PAAF1: variants seen among roughly 807,000 people sequenced by gnomAD.
PAAF1 encodes the protein proteasomal ATPase associated factor 1, also known as proteasomal ATPase-associated factor 1.
A neutral mutation model predicts 52.8 loss-of-function variants in PAAF1; 46 were observed. That is an observed-to-expected ratio of 0.87 (90% CI 0.69 to 1.11). The LOEUF (loss-of-function observed/expected upper bound fraction) is 1.11, where lower values mean the gene tolerates loss of function less well. Ranked by LOEUF, PAAF1 falls within the 50% of genes most tolerant of loss-of-function variation. The pLI, the probability that PAAF1 is intolerant of heterozygous loss-of-function variation, is 0.00. For missense variants in PAAF1, 424 were observed against 477.4 expected, an observed-to-expected ratio of 0.89 and a Z score of 1.04; for synonymous variants, 178 against 172.8, an observed-to-expected ratio of 1.03 and a Z score of -0.24.
chr11:73,897,775 A>G (rs1302774712), intron 4 of PAAF1, among the ~76,000 whole-genome samples: 1 of 151,652 alleles, frequency 6.6e-6, no homozygotes, highest in African/African-American at 2.4e-5. Flanking sequence ...CTTCCCAGAC[A>G]GGGTGGCGGC....
At chr11:73,914,588 A>G (rs974468296) in intron 8 of PAAF1, 84 bp downstream of exon 8, 3 of 1,118,460 alleles carry the variant, frequency 2.7e-6, no homozygotes, top group East Asian at 2.5e-5. Flanking sequence ...AAACATTTCT[A>G]CTTGCTCCCT....
chr11:73,924,890 C>T (rs919750782), intron 11 of PAAF1, among the ~76,000 whole-genome samples, 193 bp downstream of exon 11: 2 of 152,076 alleles, frequency 1.3e-5, no homozygotes, highest in African/African-American at 2.4e-5. Context: ...TGGTGGCTCA[C>T]GCCTGTAATC....
At chr11:73,926,939 A>G (rs1422336660) in intron 11 of PAAF1, among the ~76,000 whole-genome samples, 1 of 152,118 alleles carries the variant, frequency 6.6e-6, no homozygotes, top group Admixed American at 6.5e-5. Flanking sequence ...TTTTGCATCC[A>G]ATTTTATAAG....
chr11:73,918,080 G>A (rs544111251), intron 9 of PAAF1, among the ~76,000 whole-genome samples: 27 of 152,268 alleles, frequency 1.8e-4, no homozygotes, highest in Non-Finnish European at 3.4e-4. Context: ...TGAGTAGGAC[G>A]TTGCCAAGTA....
intron 8 of PAAF1, among the ~76,000 whole-genome samples, chr11:73,915,706 T>C (rs1483485183): frequency 2.6e-5 from 4 of 152,188 alleles, no homozygotes; most frequent in Non-Finnish European, 4.4e-5. Context: ...GCTGGGCAGA[T>C]TATGTTCTTA....
intron 3 of PAAF1, chr11:73,889,269 CATTT>C (rs1327894210): frequency 1.8e-5 from 23 of 1,291,980 alleles, no homozygotes; most frequent in East Asian, 2.8e-5. Flanking sequence ...GTTGAACATT[CATTT>C]GTTTCCTAAC....
intron 8 of PAAF1, 56 bp downstream of exon 8, chr11:73,914,560 CT>C: frequency 6.9e-7 from 1 of 1,453,882 alleles, no homozygotes; most frequent in Non-Finnish European, 9.6e-7. Context: ...CACTCTGTGT[CT>C]TAGAAAGCTA....
Position 73,916,619 on chromosome 11 carries a change from TC to T in PAAF1, c.895del (p.Gln299LysfsTer10), listed in dbSNP as rs762538485. 1.9e-6 allele frequency: 3 copies of T among 1,614,112 alleles called. No individual in the cohort carries two copies. The highest frequency in any genetic ancestry group is 2.5e-6 in the Non-Finnish European group (3 of 1,179,982). On this transcript the variant is annotated frameshift_variant, in exon 9 of 12. Coordinates refer to ENST00000310571, the MANE Select transcript of PAAF1 (RefSeq NM_025155.3). LOFTEE classifies it high-confidence loss of function. ...CTGGCTTCTTGCTATTGGCTGGGAC[TC>T]AAGATGGAAACATTTATCAGCTGGA... ...LSGFLLLAGT[Q>X]DGNIYQLDVR...
At chr11:73,898,811 TCAAACAAACAAA>T (rs202208997) in intron 4 of PAAF1, among the ~76,000 whole-genome samples, 1 of 151,856 alleles carries the variant, frequency 6.6e-6, no homozygotes, top group African/African-American at 2.4e-5. Flanking sequence ...TGAAACTCTG[TCAAACAAACAAA>T]CAAACAAACA....
chr11:73,877,915 G>C (rs1404820452), intron 1 of PAAF1, among the ~76,000 whole-genome samples: 1 of 152,060 alleles, frequency 6.6e-6, no homozygotes, highest in Non-Finnish European at 1.5e-5. Context: ...GTCTTAATTA[G>C]GAATACACAG....
chr11:73,905,639 G>A (rs1306299517), intron 6 of PAAF1, among the ~76,000 whole-genome samples: 1 of 151,868 alleles, frequency 6.6e-6, no homozygotes, highest in Non-Finnish European at 1.5e-5. Context: ...ACTAGATGCT[G>A]TTACATTATG....
chr11:73,925,401 G>A (rs538486699), intron 11 of PAAF1, among the ~76,000 whole-genome samples: 2 of 151,634 alleles, frequency 1.3e-5, no homozygotes, highest in South Asian at 4.2e-4. Flanking sequence ...GGGAAGTTGA[G>A]GCTGCAGTGA....
chr11:73,923,096 C>T (rs1267291792), intron 10 of PAAF1, among the ~76,000 whole-genome samples: 1 of 151,978 alleles, frequency 6.6e-6, no homozygotes, highest in Non-Finnish European at 1.5e-5. Flanking sequence ...ATATCATGAG[C>T]GTCTTATTTC....
chr11:73,922,307 G>GT, intron 10 of PAAF1: 1 of 457,384 alleles, frequency 2.2e-6, no homozygotes, highest in East Asian at 5.2e-5. Context: ...GGCAAAGGGA[G>GT]TAAGATTATA....
rs889312758 is a variant in PAAF1 at position 73,930,563 on chromosome 11, A to G, written c.*3201A>G. The G allele has an allele frequency of 1.3e-5, 2 of 151,778 alleles. No homozygotes were observed. Among genetic ancestry groups the G allele is most frequent in the Admixed American group, 6.6e-5 (1 of 15,212 alleles). The allele number at this position is 151,778 out of a possible 1,614,324, so 9.4% of individuals were successfully genotyped here. A position where few individuals can be genotyped will look rare whatever the true frequency, so the allele number is the denominator to read the frequency against. On this transcript the variant is annotated 3_prime_UTR_variant, in exon 12 of 12. Transcript: ENST00000310571. ...GGAATTGGAGACCAGCCTGCACAAC[A>G]TGAGGAAACTCTGTCTCTACTAAAA... is the stretch of plus-strand genomic sequence containing the variant.
chr11:73,877,606 C>G (rs184474149), intron 1 of PAAF1, among the ~76,000 whole-genome samples: 1 of 152,150 alleles, frequency 6.6e-6, no homozygotes, highest in Non-Finnish European at 1.5e-5. Context: ...GACATCCAGG[C>G]CAGGCGCAGT....
At chr11:73,892,729 G>A (rs7944702) in intron 4 of PAAF1, among the ~76,000 whole-genome samples, 8,639 of 152,096 alleles carry the variant, frequency 0.057, 275 homozygotes, top group Middle Eastern at 0.11. Flanking sequence ...GTGCAGTCTC[G>A]GCTCACTGCA....
At chr11:73,908,361 G>A (rs982263466) in intron 6 of PAAF1, among the ~76,000 whole-genome samples, 18 of 136,796 alleles carry the variant, frequency 1.3e-4, no homozygotes, top group East Asian at 8.1e-4. Flanking sequence ...ATATATGTGT[G>A]TATATATATA....
chr11:73,901,183 C>T (rs1474026967), intron 6 of PAAF1, among the ~76,000 whole-genome samples: 1 of 150,876 alleles, frequency 6.6e-6, no homozygotes, highest in African/African-American at 2.5e-5. Context: ...CTAATGGCTG[C>T]ATCATCAGAC....
Sources: allele counts gnomAD v4.1 joint callset (sites outside exome capture counted in the v4.1 genomes callset), GRCh38; gene constraint gnomAD v4.1.1; transcripts MANE v1.5; gene names NCBI Gene and HGNC (gene_info 2026-07-23, HGNC 2026-07-21).